The following RERE variants were observed in gnomAD, a reference collection of about 807,000 sequenced individuals.
RERE encodes the protein arginine-glutamic acid dipeptide repeats, also known as arginine-glutamic acid dipeptide repeats protein.
In RERE, 40 loss-of-function variants were observed where a neutral mutation model predicts 146.1. The observed-to-expected ratio is 0.27, with a 90% CI of 0.21 to 0.36. RERE has a LOEUF of 0.36. RERE is among the 10% of genes least tolerant of loss of function. The pLI is 1.00. For synonymous variants in RERE, 1,003 were observed against 866.0 expected (o/e 1.16, Z -2.78); for missense variants, 1,933 against 2,138.7 (o/e 0.90, Z 1.90).
intron 1 of RERE, among the ~76,000 whole-genome samples, chr1:8,728,923 T>A (rs1569650130): frequency 6.6e-6 from 1 of 152,220 alleles, no homozygotes; most frequent in Non-Finnish European, 1.5e-5. Flanking sequence ...TCCCAGCACT[T>A]TGGGAGGCCG....
chr1:8,695,233 C>T (rs1430745173), intron 1 of RERE, among the ~76,000 whole-genome samples: 2 of 152,036 alleles, frequency 1.3e-5, no homozygotes, highest in Admixed American at 1.3e-4. Context: ...AGAACTGGAC[C>T]GCTACCTTTT....
chr1:8,529,577 G>C (rs1382191129), intron 7 of RERE, among the ~76,000 whole-genome samples: 5 of 151,588 alleles, frequency 3.3e-5, no homozygotes, highest in Non-Finnish European at 7.4e-5. Flanking sequence ...TGGGATTACA[G>C]GCGTGAGCCA....
At chr1:8,370,793 C>T (rs1642008187) in intron 12 of RERE, among the ~76,000 whole-genome samples, 1 of 152,130 alleles carries the variant, frequency 6.6e-6, no homozygotes, top group Non-Finnish European at 1.5e-5. Context: ...CTGCAGAGAC[C>T]CGCTGCACAT....
At chr1:8,609,267 G>A (rs1310827084) in intron 4 of RERE, among the ~76,000 whole-genome samples, 2 of 152,102 alleles carry the variant, frequency 1.3e-5, no homozygotes, top group Non-Finnish European at 1.5e-5. Context: ...GCTTTTATGG[G>A]GACAACTGCT....
intron 4 of RERE, among the ~76,000 whole-genome samples, chr1:8,575,847 G>A (rs991572690): frequency 6.6e-6 from 1 of 151,906 alleles, no homozygotes; most frequent in East Asian, 1.9e-4. Context: ...GAAGAAATAC[G>A]ATACAAATGA....
intron 1 of RERE, among the ~76,000 whole-genome samples, chr1:8,764,626 A>G (rs1640815124): frequency 6.6e-6 from 1 of 152,230 alleles, no homozygotes; most frequent in Non-Finnish European, 1.5e-5. Flanking sequence ...GAAGCAAGCA[A>G]GAGGTGACCA....
chr1:8,595,301 G>A (rs1646542185), intron 4 of RERE, among the ~76,000 whole-genome samples: 2 of 148,940 alleles, frequency 1.3e-5, no homozygotes, highest in Admixed American at 1.3e-4. Context: ...TAAAGCATTT[G>A]TCCATATCCA....
intron 3 of RERE, among the ~76,000 whole-genome samples, chr1:8,620,682 T>C (rs1350812206): frequency 6.6e-6 from 1 of 151,968 alleles, no homozygotes; most frequent in Non-Finnish European, 1.5e-5. Context: ...ATTTTACTAT[T>C]TAGTTCAGAA....
intron 11 of RERE, among the ~76,000 whole-genome samples, chr1:8,446,040 G>T (rs1256427546): frequency 6.6e-6 from 1 of 152,176 alleles, no homozygotes; most frequent in Middle Eastern, 3.2e-3. Context: ...TCCTTCAGGA[G>T]CTCTTGTAAG....
intron 20 of RERE, among the ~76,000 whole-genome samples, chr1:8,357,214 G>A (rs889806133): frequency 2.0e-5 from 3 of 152,230 alleles, no homozygotes; most frequent in Non-Finnish European, 2.9e-5. Flanking sequence ...ACATTCCAGG[G>A]GTTCAGTAAA....
At chr1:8,486,840 G>A (rs1386567675) in intron 10 of RERE, among the ~76,000 whole-genome samples, 1 of 150,962 alleles carries the variant, frequency 6.6e-6, no homozygotes, top group Non-Finnish European at 1.5e-5. Context: ...TGTGAATTCT[G>A]GCAAACATTT....
intron 1 of RERE, among the ~76,000 whole-genome samples, chr1:8,706,196 G>A (rs1236327389): frequency 1.3e-5 from 2 of 151,160 alleles, no homozygotes; most frequent in Non-Finnish European, 2.9e-5. Flanking sequence ...GTTCACGCCT[G>A]TAGTCCCAGC....
chr1:8,646,367 A>G (rs1647308105), intron 2 of RERE, among the ~76,000 whole-genome samples: 1 of 151,170 alleles, frequency 6.6e-6, no homozygotes, highest in Non-Finnish European at 1.5e-5. Flanking sequence ...TCCCTTCTCT[A>G]AAAAAAAATT....
At chr1:8,758,525 GGGACTA>G (rs1640691742) in intron 1 of RERE, among the ~76,000 whole-genome samples, 1 of 151,718 alleles carries the variant, frequency 6.6e-6, no homozygotes. Context: ...CTAAGTAGCT[GGGACTA>G]CAGGTGTGCG....
At position 8,613,412 on chromosome 1, in the gene RERE, A is replaced by G. The variant is rs748704154; in HGVS notation, c.522+1149T>C. Among the ~76,000 whole-genome samples, 3 of 152,134 alleles carry G rather than the reference A, an allele frequency of 2.0e-5. 1 individual carries two copies. The highest frequency in any genetic ancestry group is 1.9e-4 in the East Asian group (1 of 5,194). Reference sequence around the variant, plus strand: ...GTCAGCCTCACTGCCTGCGTTGCTTATAAGGACAGGCTGCCATGTACACCT... The same window carrying G: ...GTCAGCCTCACTGCCTGCGTTGCTTGTAAGGACAGGCTGCCATGTACACCT... On this transcript the variant is annotated intron_variant, in intron 4 of 22. Coordinates refer to ENST00000400908, the MANE Select transcript of RERE (RefSeq NM_001042681.2).
chr1:8,498,770 T>C (rs187673727), intron 8 of RERE, among the ~76,000 whole-genome samples: 7,780 of 49,590 alleles, frequency 0.16, 739 homozygotes, highest in African/African-American at 0.38. Context: ...CACACACACA[T>C]ATGTAGTTGA....
At chr1:8,732,322 C>A (rs976486031) in intron 1 of RERE, among the ~76,000 whole-genome samples, 3 of 152,142 alleles carry the variant, frequency 2.0e-5, no homozygotes, top group Non-Finnish European at 4.4e-5. Context: ...AAGAAATGAG[C>A]TCTAAAGAAC....
intron 10 of RERE, among the ~76,000 whole-genome samples, chr1:8,485,308 C>A (rs1006935506): frequency 6.6e-6 from 1 of 152,048 alleles, no homozygotes; most frequent in Non-Finnish European, 1.5e-5. Context: ...TTGTGGTGAG[C>A]CGAGATCGTG....
chr1:8,462,440 A>G (rs2124113806), intron 11 of RERE, among the ~76,000 whole-genome samples: 1 of 152,374 alleles, frequency 6.6e-6, no homozygotes. Context: ...AAGAGGGAGC[A>G]CTGGCCGCGG....
Sources: allele counts gnomAD v4.1 joint callset (sites outside exome capture counted in the v4.1 genomes callset), GRCh38; gene constraint gnomAD v4.1.1; transcripts MANE v1.5; gene names NCBI Gene and HGNC (gene_info 2026-07-23, HGNC 2026-07-21).